SDK1: variants seen among roughly 807,000 people sequenced by gnomAD.
SDK1 encodes sidekick cell adhesion molecule 1.
In SDK1, 157 loss-of-function variants were observed where a neutral mutation model predicts 245.5. That is an observed-to-expected ratio of 0.64 (90% CI 0.56 to 0.73). The LOEUF is 0.73. SDK1 is among the 30% of genes least tolerant of loss of function. The probability of loss-of-function intolerance (pLI) is 0.00; values close to 1 mark genes in which losing one functional copy is unlikely to be tolerated. For missense variants in SDK1, 3,583 were observed against 3,002.3 expected (o/e 1.19, Z -4.52); for synonymous variants, 1,647 against 1,278.5 (o/e 1.29, Z -6.15).
intron 1 of SDK1, among the ~76,000 whole-genome samples, chr7:3,421,300 G>T (rs774098415): frequency 1.3e-5 from 2 of 151,960 alleles, no homozygotes; most frequent in Admixed American, 6.6e-5. Flanking sequence ...TTGAATTCCT[G>T]ATCTCCAGTG....
At chr7:3,434,396 A>G (rs1053224797) in intron 1 of SDK1, among the ~76,000 whole-genome samples, 6 of 152,142 alleles carry the variant, frequency 3.9e-5, no homozygotes, top group African/African-American at 7.2e-5. Flanking sequence ...TTTTGAGGCT[A>G]TGTGCCCTAC....
intron 1 of SDK1, among the ~76,000 whole-genome samples, chr7:3,506,805 A>G (rs1421039031): frequency 2.7e-5 from 4 of 150,904 alleles, no homozygotes; most frequent in African/African-American, 7.3e-5. Context: ...ATTTTTTCCT[A>G]TACTTTATTT....
chr7:3,364,789 A>G (rs1444852316), intron 1 of SDK1, among the ~76,000 whole-genome samples: 2 of 152,134 alleles, frequency 1.3e-5, no homozygotes, highest in Non-Finnish European at 2.9e-5. Flanking sequence ...AAATTTTAGC[A>G]TACACTTTTC....
chr7:3,886,537 T>A (rs924407692), intron 5 of SDK1, among the ~76,000 whole-genome samples: 1 of 152,242 alleles, frequency 6.6e-6, no homozygotes, highest in Non-Finnish European at 1.5e-5. Flanking sequence ...ATATTTAACT[T>A]TCAGTTGAGT....
intron 44 of SDK1, among the ~76,000 whole-genome samples, chr7:4,251,671 C>G (rs937780083): frequency 6.6e-6 from 1 of 152,214 alleles, no homozygotes; most frequent in Non-Finnish European, 1.5e-5. Flanking sequence ...AGTTTAGACA[C>G]TGCAGTCTTA....
intron 22 of SDK1, among the ~76,000 whole-genome samples, chr7:4,087,468 C>T (rs544721940): frequency 2.6e-5 from 3 of 114,980 alleles, no homozygotes; most frequent in Admixed American, 2.3e-4. Context: ...TGTGCACAGA[C>T]ACACACGCGC....
At chr7:3,637,233 G>A (rs1381946112) in intron 2 of SDK1, among the ~76,000 whole-genome samples, 1 of 152,082 alleles carries the variant, frequency 6.6e-6, no homozygotes, top group African/African-American at 2.4e-5. Flanking sequence ...AGGTAGCTGG[G>A]ATTACAGGCG....
chr7:3,442,699 T>C (rs1462781714), intron 1 of SDK1, among the ~76,000 whole-genome samples: 1 of 152,202 alleles, frequency 6.6e-6, no homozygotes, highest in Non-Finnish European at 1.5e-5. Flanking sequence ...AAGTGAGTAA[T>C]TGTACAAGTT....
At chr7:3,846,818 G>A (rs544913894) in intron 5 of SDK1, among the ~76,000 whole-genome samples, 4 of 151,886 alleles carry the variant, frequency 2.6e-5, no homozygotes, top group African/African-American at 9.7e-5. Context: ...CTCCCGCTAC[G>A]AGGGGCAGCA....
At chr7:3,845,484 G>A (rs1412802316) in intron 5 of SDK1, among the ~76,000 whole-genome samples, 9 of 96,478 alleles carry the variant, frequency 9.3e-5, no homozygotes, top group South Asian at 3.9e-4. Context: ...GTGAGACTCC[G>A]TCTCAAAAAA....
In SDK1 at chr7:4,257,690, G is replaced by T. The variant is rs547208037; in HGVS notation, c.6382-7434G>T. On this transcript the variant is annotated intron_variant, in intron 44 of 44. Coordinates refer to ENST00000404826, the MANE Select transcript of SDK1 (RefSeq NM_152744.4). The stretch of plus-strand genomic sequence containing the variant: ...AAGCCTCTTGGAGCCTCGTGTCTCT[G>T]CTTCTTTCTGTACAATGGTTATGTT... Among the ~76,000 whole-genome samples the T allele has an allele frequency of 2.0e-3, 304 of 152,262 alleles. 2 individuals are homozygous for T. Among genetic ancestry groups the T allele is most frequent in the Admixed American group, 2.6e-3 (39 of 15,292 alleles).
Position 4,268,838 on chromosome 7 carries a change from T to G in SDK1, c.*3454T>G. ...GACACGTCTCCTTCCCGCGTCACCT[T>G]CTGGTTTAGGGAGCCGTCAGGTCCC... is the stretch of plus-strand genomic sequence containing the variant. On this transcript the variant is annotated 3_prime_UTR_variant, in exon 45 of 45. Coordinates refer to ENST00000404826, the MANE Select transcript of SDK1 (RefSeq NM_152744.4). 1 of 1,024,538 alleles carries G rather than the reference T, an allele frequency of 9.8e-7. No individual in the cohort carries two copies. Among genetic ancestry groups the G allele is most frequent in the South Asian group, 1.2e-5 (1 of 80,070 alleles). The allele number at this position is 1,024,538 out of a possible 1,614,324, so 63.5% of individuals were successfully genotyped here.
intron 20 of SDK1, among the ~76,000 whole-genome samples, chr7:4,073,253 G>A (rs918515137): frequency 6.6e-6 from 1 of 152,130 alleles, no homozygotes; most frequent in African/African-American, 2.4e-5. Context: ...CCCAAAAGCT[G>A]TTGTTCATAA....
At chr7:3,994,780 G>C (rs1052902704) in intron 14 of SDK1, among the ~76,000 whole-genome samples, 1 of 151,602 alleles carries the variant, frequency 6.6e-6, no homozygotes, top group Non-Finnish European at 1.5e-5. Flanking sequence ...GCCCTTCTTT[G>C]TTCCTGCCAC....
chr7:3,524,688 A>G (rs1242317017), intron 1 of SDK1, among the ~76,000 whole-genome samples: 3 of 152,216 alleles, frequency 2.0e-5, no homozygotes. Context: ...TTGATAGTCA[A>G]CGTTAGGAGC....
chr7:3,951,671 T>C (rs1290403219), intron 6 of SDK1, 59 bp from the exon 7 acceptor site: 7 of 1,506,948 alleles, frequency 4.6e-6, no homozygotes, highest in African/African-American at 4.1e-5. Flanking sequence ...CCTGAGATGA[T>C]GACCGTTGCC....
chr7:4,069,256 G>T (rs903576484), intron 20 of SDK1, among the ~76,000 whole-genome samples: 3 of 152,188 alleles, frequency 2.0e-5, no homozygotes, highest in Admixed American at 6.5e-5. Context: ...TGTATCAGTG[G>T]CTGCCCACTG....
chr7:3,433,789 A>G (rs1779935825), intron 1 of SDK1, among the ~76,000 whole-genome samples: 2 of 151,290 alleles, frequency 1.3e-5, no homozygotes, highest in Non-Finnish European at 2.9e-5. Flanking sequence ...AGACGTTCTC[A>G]TCTTGAACAT....
intron 1 of SDK1, among the ~76,000 whole-genome samples, chr7:3,578,025 T>C (rs376591320): frequency 6.6e-6 from 1 of 152,110 alleles, no homozygotes; most frequent in East Asian, 1.9e-4. Context: ...GCAATGTTTC[T>C]TTCTTTTCCT....
Sources: allele counts gnomAD v4.1 joint callset (sites outside exome capture counted in the v4.1 genomes callset), GRCh38; gene constraint gnomAD v4.1.1; transcripts MANE v1.5; gene names NCBI Gene and HGNC (gene_info 2026-07-23, HGNC 2026-07-21).